Variants in CDH13 observed in about 807,000 individuals in gnomAD.
The protein encoded by CDH13 is cadherin-13.
A neutral mutation model predicts 63.8 loss-of-function variants in CDH13; 24 were observed. The observed-to-expected ratio is 0.38, with a 90% CI of 0.27 to 0.53. The LOEUF (loss-of-function observed/expected upper bound fraction) is 0.53, where lower values mean the gene tolerates loss of function less well. CDH13 is among the 20% of genes least tolerant of loss of function. The pLI is 0.85. For synonymous variants in CDH13, 503 were observed against 355.3 expected, an observed-to-expected ratio of 1.42 and a Z score of -4.67; for missense variants, 1,049 against 903.1, an observed-to-expected ratio of 1.16 and a Z score of -2.07.
rs1330911097 is a variant in CDH13 at position 83,800,151 on chromosome 16, TG to T, written c.*5124del. On this transcript the variant is annotated 3_prime_UTR_variant, in exon 14 of 14. Transcript: ENST00000567109. ...TTGGTAGGGAGATGGTGAAAAGCGT[TG>T]GGTGGTGTAGGACGAGGGAGGTTTT... 1.3e-5 allele frequency: 2 copies of T among 152,168 alleles called. No individual in the cohort carries two copies. The highest frequency in any genetic ancestry group is 4.8e-5 in the African/African-American group (2 of 41,438). The allele number at this position is 152,168 out of a possible 1,614,324, so 9.4% of individuals were successfully genotyped here.
chr16:83,629,895 A>C (rs77533668), intron 8 of CDH13, among the ~76,000 whole-genome samples: 2 of 152,362 alleles, frequency 1.3e-5, no homozygotes, highest in Non-Finnish European at 2.9e-5. Flanking sequence ...AACAGCGTTG[A>C]ATCCATTCAG....
chr16:83,332,761 G>T (rs1401069963), intron 5 of CDH13, among the ~76,000 whole-genome samples: 1 of 152,060 alleles, frequency 6.6e-6, no homozygotes, highest in African/African-American at 2.4e-5. Context: ...TACTCAAGCT[G>T]CTTACATAAA....
chr16:83,162,320 G>C (rs555189240), intron 4 of CDH13, among the ~76,000 whole-genome samples: 4 of 151,994 alleles, frequency 2.6e-5, no homozygotes, highest in South Asian at 2.1e-4. Flanking sequence ...ATGCTTTCAT[G>C]ATGATGAAAG....
chr16:83,076,775 T>C (rs781316683), intron 3 of CDH13, among the ~76,000 whole-genome samples: 5 of 152,194 alleles, frequency 3.3e-5, no homozygotes, highest in Non-Finnish European at 5.9e-5. Context: ...AATATTTGCT[T>C]TTGGTTATTT....
At chr16:82,868,491 A>C (rs1425164555) in intron 2 of CDH13, among the ~76,000 whole-genome samples, 31 of 152,348 alleles carry the variant, frequency 2.0e-4, no homozygotes, top group African/African-American at 7.0e-4. Context: ...CAGATGTAAC[A>C]AAATGTTTAG....
intron 1 of CDH13, among the ~76,000 whole-genome samples, chr16:82,773,801 T>C (rs1287286955): frequency 7.1e-6 from 1 of 141,414 alleles, no homozygotes; most frequent in African/African-American, 2.5e-5. Flanking sequence ...CTTTTTTTTT[T>C]TAAATGGAGT....
chr16:82,819,247 A>G (rs866531197), intron 1 of CDH13, among the ~76,000 whole-genome samples: 5 of 152,200 alleles, frequency 3.3e-5, no homozygotes, highest in African/African-American at 1.2e-4. Flanking sequence ...CGGATAACAT[A>G]TTTTAGCCTG....
At chr16:83,471,467 G>C (rs1042275500) in intron 6 of CDH13, among the ~76,000 whole-genome samples, 1 of 152,032 alleles carries the variant, frequency 6.6e-6, no homozygotes, top group African/African-American at 2.4e-5. Context: ...GTACAGATAG[G>C]GTTTTACCAT....
intron 2 of CDH13, among the ~76,000 whole-genome samples, chr16:82,963,215 AC>A (rs1907290569): frequency 7.4e-6 from 1 of 135,588 alleles, no homozygotes. Context: ...TACTAAAAAT[AC>A]AAAAAAAAAA....
chr16:83,007,264 C>G (rs571607093), intron 2 of CDH13, among the ~76,000 whole-genome samples: 18 of 152,276 alleles, frequency 1.2e-4, no homozygotes, highest in African/African-American at 4.1e-4. Flanking sequence ...TGTTCATTGA[C>G]ACATTACTCT....
At chr16:82,725,662 T>C (rs1478419003) in intron 1 of CDH13, among the ~76,000 whole-genome samples, 1 of 152,214 alleles carries the variant, frequency 6.6e-6, no homozygotes, top group African/African-American at 2.4e-5. Flanking sequence ...CTTTTCTCTA[T>C]ACATTGTACC....
At chr16:82,734,252 C>G (rs1010949536) in intron 1 of CDH13, among the ~76,000 whole-genome samples, 1 of 152,082 alleles carries the variant, frequency 6.6e-6, no homozygotes, top group Non-Finnish European at 1.5e-5. Context: ...TTTTTGTGTT[C>G]AAATGGCAGA....
chr16:83,466,945 C>A (rs1303727295), intron 6 of CDH13, among the ~76,000 whole-genome samples: 3 of 152,192 alleles, frequency 2.0e-5, no homozygotes, highest in Admixed American at 1.3e-4. Context: ...ACCCCACCAT[C>A]TAGACTGCCG....
chr16:83,647,059 C>T (rs1480224388), intron 8 of CDH13, among the ~76,000 whole-genome samples: 1 of 152,002 alleles, frequency 6.6e-6, no homozygotes, highest in African/African-American at 2.4e-5. Flanking sequence ...GCCTGTAATC[C>T]CAGCACTTTG....
chr16:83,677,210 G>A (rs1334636836), intron 9 of CDH13, among the ~76,000 whole-genome samples: 1 of 152,184 alleles, frequency 6.6e-6, no homozygotes, highest in Admixed American at 6.5e-5. Flanking sequence ...GAAAGAGAGT[G>A]ACAGACACTC....
chr16:83,508,420 G>C (rs2074475393), intron 7 of CDH13: 1 of 153,854 alleles, frequency 6.5e-6, no homozygotes. Context: ...ACTGTTGATG[G>C]CTCACCCAGA....
rs537111037 is a variant in CDH13 at position 83,082,051 on chromosome 16, C to T, written c.367-43334C>T. On this transcript the variant is annotated intron_variant, in intron 3 of 13. Coordinates refer to ENST00000567109, the MANE Select transcript of CDH13 (RefSeq NM_001257.5). The stretch of plus-strand genomic sequence containing the variant: ...CCAACCTCAGGTGATCTGCCCGCCT[C>T]GGCCTCCCAAAGTGCTGGGATTACA... Among the ~76,000 whole-genome samples the T allele has an allele frequency of 2.8e-4, 43 of 152,262 alleles. 1 individual carries two copies. The highest frequency in any genetic ancestry group is 9.4e-4 in the African/African-American group (39 of 41,576).
At chr16:82,716,826 A>G (rs1021664363) in intron 1 of CDH13, among the ~76,000 whole-genome samples, 3 of 151,738 alleles carry the variant, frequency 2.0e-5, no homozygotes, top group South Asian at 2.1e-4. Context: ...CAAGCACGTG[A>G]TAACTATAGA....
chr16:82,750,746 T>G (rs993268098), intron 1 of CDH13, among the ~76,000 whole-genome samples: 1 of 152,116 alleles, frequency 6.6e-6, no homozygotes, highest in African/African-American at 2.4e-5. Context: ...TGGAGCTTAT[T>G]AAGATTGAAA....
Sources: allele counts gnomAD v4.1 joint callset (sites outside exome capture counted in the v4.1 genomes callset), GRCh38; gene constraint gnomAD v4.1.1; transcripts MANE v1.5; gene names NCBI Gene and HGNC (gene_info 2026-07-23, HGNC 2026-07-21).